The following PROCA1 variants were observed in gnomAD, a reference collection of about 807,000 sequenced individuals.
PROCA1 encodes the protein protein interacting with cyclin A1.
In PROCA1, 22 loss-of-function variants were observed where a neutral mutation model predicts 23.2. That is an observed-to-expected ratio of 0.95 (90% confidence interval 0.68 to 1.35). The LOEUF (loss-of-function observed/expected upper bound fraction) is 1.35. PROCA1 is among the 40% of genes most tolerant of loss of function. The pLI is 0.00. For missense variants in PROCA1, 469 were observed against 459.8 expected, an observed-to-expected ratio of 1.02 and a Z score of -0.18; for synonymous variants, 182 against 179.2, an observed-to-expected ratio of 1.02 and a Z score of -0.12.
chr17:28,711,234 C>G lies in PROCA1; in HGVS notation c.91+336G>C, dbSNP rs2151692187. ...CTGGTCCACGGGCTCCAGCCAAGGC[C>G]GGCGCTTCAAGGGCAGCGGCCTGCG... On this transcript the variant is annotated intron_variant, in intron 1 of 4. Transcript: ENST00000682792. 7.0e-6 allele frequency: 7 copies of G among 1,005,202 alleles called. No homozygotes were observed. The South Asian group carries it at 1.3e-4, about 18-fold the overall frequency. The allele number at this position is 1,005,202 out of a possible 1,614,324, so 62.3% of individuals were successfully genotyped here.
Position 28,704,696 on chromosome 17 carries a change from G to T in PROCA1, c.311+12C>A. 1 of 1,613,884 alleles carries T rather than the reference G, an allele frequency of 6.2e-7. No individual in the cohort carries two copies. Among genetic ancestry groups the T allele is most frequent in the Non-Finnish European group, 8.5e-7 (1 of 1,179,844 alleles). ...GCTCTGCCATGGGTCCCCCAAGGGG[G>T]CGGGCCCTCACCTAGAATTACAGTT... On this transcript the variant is annotated intron_variant, in intron 3 of 4. Coordinates refer to ENST00000682792, the MANE Select transcript of PROCA1 (RefSeq NM_001366301.1).
At chr17:28,704,948 C>T in intron 2 of PROCA1, 105 bp from the exon 3 acceptor site, 1 of 1,095,612 alleles carries the variant, frequency 9.1e-7, no homozygotes, top group Non-Finnish European at 1.3e-6. Context: ...CACCAGCTGT[C>T]CACCCCAAGA....
At chr17:28,706,115 A>G (rs1159148308) in intron 2 of PROCA1, 1 of 154,108 alleles carries the variant, frequency 6.5e-6, no homozygotes, top group East Asian at 1.9e-4. Context: ...TCCTCACTAC[A>G]CTGCTGACCC....
chr17:28,706,995 T>C (rs1317115660), intron 1 of PROCA1: 16 of 331,160 alleles, frequency 4.8e-5, no homozygotes, highest in Non-Finnish European at 8.8e-5. Flanking sequence ...ATGACAGTAA[T>C]GTGATGCAGA....
At chr17:28,704,269 G>A in intron 4 of PROCA1, 38 bp downstream of exon 4, 1 of 1,592,082 alleles carries the variant, frequency 6.3e-7, no homozygotes. Flanking sequence ...GTGCCCTGTA[G>A]AGGCCCCTTC....
intron 1 of PROCA1, among the ~76,000 whole-genome samples, chr17:28,708,557 A>T (rs2032630179): frequency 6.6e-6 from 1 of 152,014 alleles, no homozygotes; most frequent in South Asian, 2.1e-4. Context: ...TTCAACATCC[A>T]CCAATGAAAT....
chr17:28,711,445 T>G, intron 1 of PROCA1, 125 bp downstream of exon 1: 1 of 804,702 alleles, frequency 1.2e-6, no homozygotes, highest in Non-Finnish European at 1.9e-6. Context: ...GGCCCAGCAC[T>G]GGGCCCCGCC....
At position 28,711,618 on chromosome 17, in the gene PROCA1, C is replaced by G; in HGVS notation, c.43G>C (p.Glu15Gln). The change falls in exon 1 of 5, where the codon GAA (glutamate) becomes CAA (glutamine). Residue 15 changes from glutamate (E) to glutamine (Q), a missense_variant. By Grantham distance (29) the Glu-to-Gln change is conservative. Transcript: ENST00000682792. ...TTLTIERWTK[E>Q]KTEPKARSWD... The stretch of plus-strand genomic sequence containing the variant: ...GAGCGGGCCTTGGGCTCGGTCTTTT[C>G]CTTAGTCCATCTTTCAATTGTGAGC... 1.2e-6 allele frequency: 2 copies of G among 1,612,688 alleles called. No individual in the cohort carries two copies. Among genetic ancestry groups the G allele is most frequent in the Non-Finnish European group, 1.7e-6 (2 of 1,179,560 alleles).
chr17:28,706,557 TG>T, intron 2 of PROCA1, 122 bp downstream of exon 2: 1 of 559,156 alleles, frequency 1.8e-6, no homozygotes. Flanking sequence ...GGGTTGAGGA[TG>T]GGGCAGCTTC....
At chr17:28,707,620 C>A (rs1166008752) in intron 1 of PROCA1, among the ~76,000 whole-genome samples, 1 of 152,162 alleles carries the variant, frequency 6.6e-6, no homozygotes, top group Non-Finnish European at 1.5e-5. Flanking sequence ...CCCAAAGCAT[C>A]TATATTTTAG....
chr17:28,704,940 C>A (rs756599000), intron 2 of PROCA1, 97 bp from the exon 3 acceptor site: 59 of 1,170,570 alleles, frequency 5.0e-5, no homozygotes, highest in Non-Finnish European at 7.2e-5. Flanking sequence ...CCTGCCACCA[C>A]CAGCTGTCCA....
At position 28,711,601 on chromosome 17, in the gene PROCA1, CTTGGGCTCGGTCTTTTCCTTAGTCCATCT is replaced by C; in HGVS notation, c.31_59del (p.Arg11GlyfsTer6). The stretch of plus-strand genomic sequence containing the variant: ...ATCTGCTCTCATCCCACGAGCGGGC[CTTGGGCTCGGTCTTTTCCTTAGTCCATCT>C]TTCAATTGTGAGCGTCGTCCTGACC... On this transcript the variant is annotated frameshift_variant, in exon 1 of 5. Coordinates refer to ENST00000682792, the MANE Select transcript of PROCA1 (RefSeq NM_001366301.1). LOFTEE classifies it high-confidence loss of function. 1 of 1,612,206 alleles carries C rather than the reference CTTGGGCTCGGTCTTTTCCTTAGTCCATCT, an allele frequency of 6.2e-7. No individual in the cohort carries two copies. The highest frequency in any genetic ancestry group is 8.5e-7 in the Non-Finnish European group (1 of 1,179,502).
At chr17:28,711,327 C>T (rs2032771084) in intron 1 of PROCA1, 2 of 558,722 alleles carry the variant, frequency 3.6e-6, no homozygotes, top group African/African-American at 2.0e-5. Flanking sequence ...CCGCCCATCC[C>T]GCGGGCGACC....
chr17:28,711,204 G>T, intron 1 of PROCA1: 1 of 1,147,276 alleles, frequency 8.7e-7, no homozygotes, highest in Non-Finnish European at 1.1e-6. Context: ...GCGTCCGGGT[G>T]GGCGCTGGTC....
At position 28,704,549 on chromosome 17, in the gene PROCA1, T is replaced by C. The variant is rs553144941; in HGVS notation, c.312-114A>G. 9.7e-6 allele frequency: 15 copies of C among 1,542,958 alleles called. No homozygotes were observed. In the South Asian group the frequency reaches 1.7e-4, roughly 18 times the overall value. The stretch of plus-strand genomic sequence containing the variant: ...GCCTGCCTCAGGCCAACAGACCTCC[T>C]CCCCATTTCTCTTAGAGCAGAGCAA... On this transcript the variant is annotated intron_variant, in intron 3 of 4. Coordinates refer to ENST00000682792, the MANE Select transcript of PROCA1 (RefSeq NM_001366301.1).
At chr17:28,711,161 T>A in intron 1 of PROCA1, 2 of 1,175,750 alleles carry the variant, frequency 1.7e-6, no homozygotes, top group Non-Finnish European at 2.1e-6. Flanking sequence ...TGGTCCACCC[T>A]CAGGGTCGAT....
In PROCA1 at chr17:28,704,180, A is replaced by G; in HGVS notation, c.473T>C (p.Val158Ala). 1 of 1,540,646 alleles carries G rather than the reference A, an allele frequency of 6.5e-7. No homozygotes were observed. Residue 158 changes from valine to alanine, a missense_variant, in exon 5 of 5, where the codon GTG becomes GCG. Physicochemically the swap from Val to Ala is moderately conservative, Grantham distance 64. Coordinates refer to ENST00000682792, the MANE Select transcript of PROCA1 (RefSeq NM_001366301.1). ...CKSYRPVSVA[V>A]IHHPLYHECG... ...CTCATGGTAGAGTGGATGGTGGATCACTGCCACAGAGACAGGTCTGTAGCT... is the reference window on the plus strand; with the variant it reads ...CTCATGGTAGAGTGGATGGTGGATCGCTGCCACAGAGACAGGTCTGTAGCT...
chr17:28,708,732 A>G (rs1567717744), intron 1 of PROCA1, among the ~76,000 whole-genome samples: 1 of 113,834 alleles, frequency 8.8e-6, no homozygotes, highest in East Asian at 2.2e-4. Context: ...CAGAAAAAGG[A>G]AAAAAAAAAA....
Position 28,703,470 on chromosome 17 carries a change from G to GA in PROCA1, c.*87dup, listed in dbSNP as rs1415185230. ...CCTGAGCCCACCCCTTGCCCCGCAA[G>GA]AAACAGCCAGGTTGGAGGGAGAGAA... On this transcript the variant is annotated 3_prime_UTR_variant, in exon 5 of 5. Coordinates refer to ENST00000682792, the MANE Select transcript of PROCA1 (RefSeq NM_001366301.1). The GA allele has an allele frequency of 1.1e-4, 162 of 1,412,534 alleles. No individual in the cohort carries two copies. Among genetic ancestry groups the GA allele is most frequent in the Non-Finnish European group, 1.5e-4 (155 of 1,038,494 alleles). The allele number at this position is 1,412,534 out of a possible 1,614,324, so 87.5% of individuals were successfully genotyped here.
Sources: gnomAD v4.1 joint callset for allele counts (sites outside exome capture counted in the v4.1 genomes callset) on GRCh38, gnomAD v4.1.1 for gene constraint, MANE v1.5 for transcripts, NCBI Gene and HGNC (gene_info 2026-07-23, HGNC 2026-07-21) for gene names.